Variants in PTPRE observed in about 807,000 individuals in gnomAD.
The protein encoded by PTPRE is protein tyrosine phosphatase receptor type E.
In PTPRE, 51 loss-of-function variants were observed where a neutral mutation model predicts 102.0. The ratio of observed to expected loss-of-function variants is 0.50; its 90% CI spans 0.40 to 0.63. The LOEUF is 0.63. Ranked by LOEUF, PTPRE falls within the 30% of genes least tolerant of loss-of-function variation. PTPRE has a pLI of 0.00. For missense variants in PTPRE, 752 were observed against 915.1 expected, an observed-to-expected ratio of 0.82 and a Z score of 2.30; for synonymous variants, 345 against 348.2, an observed-to-expected ratio of 0.99 and a Z score of 0.10.
chr10:127,950,839 G>A (rs1009643886), intron 1 of PTPRE, among the ~76,000 whole-genome samples: 4 of 152,160 alleles, frequency 2.6e-5, no homozygotes, highest in African/African-American at 9.7e-5. Flanking sequence ...GCTCAAGCCT[G>A]TAGTCCCAGC....
At chr10:128,027,116 T>C (rs558837733) in intron 2 of PTPRE, among the ~76,000 whole-genome samples, 46 of 152,328 alleles carry the variant, frequency 3.0e-4, no homozygotes, top group African/African-American at 1.1e-3. Context: ...CCCTATTTCC[T>C]AGAGAGGGTA....
At chr10:128,019,635 A>G (rs989078622) in intron 2 of PTPRE, among the ~76,000 whole-genome samples, 2 of 151,978 alleles carry the variant, frequency 1.3e-5, no homozygotes, top group African/African-American at 2.4e-5. Context: ...ATGTCAGCCC[A>G]TTCATTCATT....
intron 3 of PTPRE, among the ~76,000 whole-genome samples, chr10:128,042,636 C>T (rs1847801931): frequency 6.6e-6 from 1 of 152,128 alleles, no homozygotes; most frequent in Non-Finnish European, 1.5e-5. Flanking sequence ...TGTGAAGTGC[C>T]CTTTAAATCT....
intron 2 of PTPRE, among the ~76,000 whole-genome samples, chr10:128,027,732 C>T (rs77284429): frequency 0.04 from 6,100 of 152,170 alleles, 173 homozygotes; most frequent in Middle Eastern, 0.088. Flanking sequence ...TTGAAGAGCC[C>T]GAAAAAGCAG....
chr10:128,077,826 G>A, intron 19 of PTPRE, 43 bp downstream of exon 19: 1 of 1,551,306 alleles, frequency 6.4e-7, no homozygotes, highest in Non-Finnish European at 8.8e-7. Context: ...GTGGACACAG[G>A]CTGCACCCCC....
At chr10:127,938,281 G>A (rs1379922912) in intron 1 of PTPRE, among the ~76,000 whole-genome samples, 1 of 152,204 alleles carries the variant, frequency 6.6e-6, no homozygotes, top group Non-Finnish European at 1.5e-5. Flanking sequence ...AACACTCTTT[G>A]TTTCCAATCA....
intron 7 of PTPRE, among the ~76,000 whole-genome samples, chr10:128,057,161 G>A (rs1193745574): frequency 6.6e-6 from 1 of 151,918 alleles, no homozygotes; most frequent in Non-Finnish European, 1.5e-5. Context: ...AGGTTGCCAT[G>A]AGCCGAGATC....
chr10:128,069,404 C>T, intron 12 of PTPRE: 1 of 393,844 alleles, frequency 2.5e-6, no homozygotes, highest in Non-Finnish European at 4.6e-6. Context: ...GAAGAAGACA[C>T]TGTTTGGTAA....
rs775224341 is a variant in PTPRE, at chr10:128,061,710, C to T, written c.620C>T (p.Ala207Val). 1 of 1,582,022 alleles carries T rather than the reference C, an allele frequency of 6.3e-7. No homozygotes were observed. The highest frequency in any genetic ancestry group is 8.6e-7 in the Non-Finnish European group (1 of 1,166,860). The change falls in exon 9 of 21, where the codon GCT becomes GTT. Residue 207 changes from alanine (A) to valine (V), a missense_variant. Physicochemically the swap from Ala to Val is moderately conservative, Grantham distance 64 (BLOSUM62 0). Transcript: ENST00000254667. Reference sequence around the variant, plus strand: ...AAAGAGAAGAATAAATTCATAGCAGCTCAAGGTAAGCTTTTTATTAATTTC... The same window carrying T: ...AAAGAGAAGAATAAATTCATAGCAGTTCAAGGTAAGCTTTTTATTAATTTC... ...GYKEKNKFIAAQGPKQETVND... is the reference protein window; with the variant it reads ...GYKEKNKFIAVQGPKQETVND...
Position 127,978,924 on chromosome 10 carries a change from G to C in PTPRE, c.-30-3350G>C, listed in dbSNP as rs187986571. Among the ~76,000 whole-genome samples the C allele has an allele frequency of 2.2e-3, 329 of 152,308 alleles. 2 individuals carry two copies. Among genetic ancestry groups the C allele is most frequent in the African/African-American group, 7.5e-3 (313 of 41,556 alleles). ...TAATCCCAGCTACTCAGGAGGCTGA[G>C]GCAGGAGAATCACTTGAACCCAGGA... On this transcript the variant is annotated intron_variant, in intron 1 of 20. Coordinates refer to ENST00000254667, the MANE Select transcript of PTPRE (RefSeq NM_006504.6).
At chr10:128,025,491 C>T (rs980736715) in intron 2 of PTPRE, among the ~76,000 whole-genome samples, 10 of 152,310 alleles carry the variant, frequency 6.6e-5, no homozygotes, top group East Asian at 1.9e-4. Context: ...ACTTTACAGA[C>T]GAGTAAACTG....
rs1468432857 is a variant in PTPRE at position 128,008,675 on chromosome 10, G to A, written c.-8+26379G>A. ...TCACGTCTTCCCAGAATCTACTGTGGTAATTCCGGCCAGGACTCAAGGATG... is the reference window on the plus strand; with the variant it reads ...TCACGTCTTCCCAGAATCTACTGTGATAATTCCGGCCAGGACTCAAGGATG... On this transcript the variant is annotated intron_variant, in intron 2 of 20. Transcript: ENST00000254667. The surrounding 1 kb of genome is among the most constrained non-coding windows in gnomAD (Gnocchi z 4.0). 6.6e-6 allele frequency among the ~76,000 whole-genome samples: 1 copy of A among 152,118 alleles called. No homozygotes were observed. Among genetic ancestry groups the A allele is most frequent in the African/African-American group, 2.4e-5 (1 of 41,410 alleles).
At position 128,068,144 on chromosome 10, in the gene PTPRE, G is replaced by A; in HGVS notation, c.865G>A (p.Ala289Thr). ...GCAGCAGCTCCCCGACGGCTGCAAA[G>A]CCCCCAGGCTGGTCTCACAGCTGCA... ...IQPQLPDGCK[A>T]PRLVSQLHFT... Residue 289 changes from alanine to threonine, a missense_variant, in exon 12 of 21, where the codon GCC becomes ACC. By Grantham distance (58) the Ala-to-Thr change is moderately conservative. This residue lies in a region of PTPRE where 636 missense variants were observed against 824.4 expected (regional missense o/e 0.77). Transcript: ENST00000254667. 2 of 1,613,650 alleles carry A rather than the reference G, an allele frequency of 1.2e-6. No individual in the cohort carries two copies. The highest frequency in any genetic ancestry group is 1.1e-5 in the South Asian group (1 of 91,066).
chr10:127,971,511 G>A (rs539374553), intron 1 of PTPRE, among the ~76,000 whole-genome samples: 6 of 152,168 alleles, frequency 3.9e-5, no homozygotes, highest in Non-Finnish European at 7.3e-5. Context: ...CCTGAGGTGC[G>A]AGAGCCCCAT....
chr10:127,985,585 A>C (rs930330294), intron 2 of PTPRE, among the ~76,000 whole-genome samples: 7 of 152,116 alleles, frequency 4.6e-5, no homozygotes, highest in Non-Finnish European at 1.0e-4. Flanking sequence ...CCCTGTCTCA[A>C]AAAATAAAAA....
chr10:128,077,668 C>T lies in PTPRE; in HGVS notation c.1777C>T (p.His593Tyr), dbSNP rs1303001040. 1 of 1,613,662 alleles carries T rather than the reference C, an allele frequency of 6.2e-7. No homozygotes were observed. Among genetic ancestry groups the T allele is most frequent in the Non-Finnish European group, 8.5e-7 (1 of 1,179,650 alleles). Residue 593 changes from histidine to tyrosine, a missense_variant, in exon 19 of 21, where the codon CAC becomes TAC. By Grantham distance (83) the His-to-Tyr change is moderately conservative. Coordinates refer to ENST00000254667, the MANE Select transcript of PTPRE (RefSeq NM_006504.6). ...CCGAGTAGTGCGCCAGTTTCACTTC[C>T]ACGGCTGGCCTGAGATCGGGATTCC... Reference protein sequence around the residue: ...QVRVVRQFHFHGWPEIGIPAE... With the variant: ...QVRVVRQFHFYGWPEIGIPAE...
chr10:128,041,999 G>C (rs774435656), intron 3 of PTPRE, among the ~76,000 whole-genome samples: 3 of 152,150 alleles, frequency 2.0e-5, no homozygotes. Context: ...AGTTCTGAGC[G>C]CCCACCTGTC....
chr10:127,980,318 G>A (rs184192200), intron 1 of PTPRE, among the ~76,000 whole-genome samples: 3 of 138,504 alleles, frequency 2.2e-5, no homozygotes, highest in African/African-American at 5.2e-5. Flanking sequence ...ATTTATAATT[G>A]TTGTTTCCAT....
intron 1 of PTPRE, among the ~76,000 whole-genome samples, chr10:127,965,186 A>T (rs148526868): frequency 6.6e-6 from 1 of 152,244 alleles, no homozygotes; most frequent in Non-Finnish European, 1.5e-5. Flanking sequence ...TGTAATTATC[A>T]AATGGCAGGA....
Sources: gnomAD v4.1 joint callset for allele counts (sites outside exome capture counted in the v4.1 genomes callset) on GRCh38, gnomAD v4.1.1 for gene constraint, gnomAD v4.1.1 regional missense constraint, Gnocchi (gnomAD v3.1) non-coding constraint, MANE v1.5 for transcripts, NCBI Gene and HGNC (gene_info 2026-07-23, HGNC 2026-07-21) for gene names.